PKHD1: variants seen among roughly 807,000 people sequenced by gnomAD.
PKHD1 encodes the protein fibrocystin.
Under a neutral mutation model 412.0 loss-of-function variants are expected in PKHD1, and 291 were observed. The observed-to-expected ratio is 0.71, with a 90% CI of 0.64 to 0.78. The LOEUF is 0.78. PKHD1 is among the 30% of genes least tolerant of loss of function. The pLI, the probability that PKHD1 is intolerant of heterozygous loss-of-function variation, is 0.00. For missense variants in PKHD1, 4,825 were observed against 4,950.7 expected, an observed-to-expected ratio of 0.97 and a Z score of 0.76; for synonymous variants, 1,777 against 1,821.5, an observed-to-expected ratio of 0.98 and a Z score of 0.62.
intron 60 of PKHD1, among the ~76,000 whole-genome samples, chr6:51,720,265 TA>T (rs1299711792): frequency 6.6e-6 from 1 of 152,188 alleles, no homozygotes; most frequent in Admixed American, 6.5e-5. Context: ...TCCAGAGTTT[TA>T]AAAATGAGAA....
Position 51,615,475 on chromosome 6 carries a change from G to A in PKHD1, c.*3606C>T, listed in dbSNP as rs1765989119. On this transcript the variant is annotated 3_prime_UTR_variant, in exon 67 of 67. Transcript: ENST00000371117. Reference sequence around the variant, plus strand: ...GAAATCAACAGTTCTATACTCAATAGTATTTAATTCCTTGTGCTTATAGTT... The same window carrying A: ...GAAATCAACAGTTCTATACTCAATAATATTTAATTCCTTGTGCTTATAGTT... 6.6e-6 allele frequency: 1 copy of A among 152,114 alleles called. No homozygotes were observed. The highest frequency in any genetic ancestry group is 1.5e-5 in the Non-Finnish European group (1 of 68,016). The allele number at this position is 152,114 out of a possible 1,614,324, so 9.4% of individuals were successfully genotyped here.
At chr6:52,056,133 A>G (rs1807691303) in intron 18 of PKHD1, among the ~76,000 whole-genome samples, 1 of 152,208 alleles carries the variant, frequency 6.6e-6, no homozygotes, top group Non-Finnish European at 1.5e-5. Flanking sequence ...TCCAGCTATA[A>G]GAAACTCATT....
At chr6:51,909,544 T>C in intron 39 of PKHD1, 70 bp from the exon 40 acceptor site, 2 of 1,153,956 alleles carry the variant, frequency 1.7e-6, no homozygotes, top group Non-Finnish European at 2.6e-6. Context: ...TCTCCCAGTT[T>C]GAAAGGTACT....
chr6:51,832,413 T>C (rs1768421938), intron 51 of PKHD1, among the ~76,000 whole-genome samples: 2 of 151,920 alleles, frequency 1.3e-5, no homozygotes, highest in Non-Finnish European at 2.9e-5. Context: ...TGATAAGAAA[T>C]TTGGTGTTGC....
chr6:51,890,847 A>G (rs1285991826), intron 43 of PKHD1, among the ~76,000 whole-genome samples: 1 of 152,180 alleles, frequency 6.6e-6, no homozygotes, highest in Non-Finnish European at 1.5e-5. Context: ...AGCATTATGG[A>G]GATCAAGTGT....
intron 61 of PKHD1, among the ~76,000 whole-genome samples, chr6:51,651,786 C>G (rs575021029): frequency 6.6e-6 from 1 of 152,166 alleles, no homozygotes; most frequent in South Asian, 2.1e-4. Flanking sequence ...CAATGATGGG[C>G]CACTTATATA....
At chr6:52,030,625 A>G (rs1019994656) in intron 29 of PKHD1, among the ~76,000 whole-genome samples, 3 of 151,788 alleles carry the variant, frequency 2.0e-5, no homozygotes, top group Non-Finnish European at 2.9e-5. Context: ...GACCTTCCAG[A>G]GGCAACAGTA....
chr6:51,739,487 T>C (rs1390643571), intron 60 of PKHD1, among the ~76,000 whole-genome samples: 2 of 152,284 alleles, frequency 1.3e-5, no homozygotes, highest in Non-Finnish European at 2.9e-5. Context: ...TGCCTCAGCC[T>C]CCCAAAGTGC....
intron 60 of PKHD1, chr6:51,739,930 G>T (rs1023074725): frequency 1.9e-6 from 1 of 517,390 alleles, no homozygotes; most frequent in African/African-American, 1.9e-5. Context: ...GTCTGGGACA[G>T]ACGGAAACTG....
intron 36 of PKHD1, among the ~76,000 whole-genome samples, chr6:51,950,273 A>G (rs1261379685): frequency 6.7e-6 from 1 of 148,682 alleles, no homozygotes; most frequent in Non-Finnish European, 1.5e-5. Context: ...GCTGCAAACA[A>G]TAGCAGTTGG....
At chr6:51,930,048 G>A (rs1482972969) in intron 37 of PKHD1, among the ~76,000 whole-genome samples, 2 of 152,146 alleles carry the variant, frequency 1.3e-5, no homozygotes, top group East Asian at 3.9e-4. Context: ...GTGGAAGCAA[G>A]AGCCGTAATT....
chr6:51,814,469 C>T (rs887774656), intron 52 of PKHD1, among the ~76,000 whole-genome samples: 4 of 152,288 alleles, frequency 2.6e-5, no homozygotes, highest in African/African-American at 7.2e-5. Context: ...GGTGCATCCA[C>T]ACTATACAAA....
chr6:51,891,481 G>T (rs572153952), intron 43 of PKHD1, among the ~76,000 whole-genome samples: 9 of 152,136 alleles, frequency 5.9e-5, no homozygotes, highest in Non-Finnish European at 1.3e-4. Flanking sequence ...GTTTCTCCAT[G>T]TTGGTCAAGC....
At chr6:51,721,863 T>A in intron 60 of PKHD1, 1 of 1,554,466 alleles carries the variant, frequency 6.4e-7, no homozygotes, top group Non-Finnish European at 8.7e-7. Flanking sequence ...TCTTCTCAAT[T>A]TGAACAATTG....
At chr6:51,666,814 G>T (rs527891062) in intron 60 of PKHD1, among the ~76,000 whole-genome samples, 1 of 151,224 alleles carries the variant, frequency 6.6e-6, no homozygotes, top group East Asian at 1.9e-4. Flanking sequence ...TTGTTCTTGC[G>T]ATAGTTTACT....
intron 52 of PKHD1, among the ~76,000 whole-genome samples, chr6:51,804,365 GGGGGGGGGC>G (rs1763400106): frequency 1.9e-5 from 2 of 103,182 alleles, no homozygotes; most frequent in Admixed American, 9.8e-5. Context: ...TCATTGGGGG[GGGGGGGGGC>G]GGTAACAGGA....
rs1019799793 is a variant in PKHD1 at position 51,659,365 on chromosome 6, G to T, written c.10761C>A (p.Phe3587Leu). The T allele has an allele frequency of 7.4e-6, 12 of 1,613,704 alleles. No individual in the cohort carries two copies. In the Admixed American group the frequency reaches 1.7e-4, roughly 22 times the overall value. Residue 3587 changes from phenylalanine (F) to leucine (L), a missense_variant, in exon 61 of 67, where the codon TTC becomes TTA. Transcript: ENST00000371117. ...EIVILERLTNFLQIGQNQIRF... is the reference protein window; with the variant it reads ...EIVILERLTNLLQIGQNQIRF... Reference sequence around the variant, plus strand: ...TGATTTGGTTTTGGCCAATCTGTAAGAAGTTAGTTAGTCTTTCGAGTATTA... The same window carrying T: ...TGATTTGGTTTTGGCCAATCTGTAATAAGTTAGTTAGTCTTTCGAGTATTA...
At chr6:51,631,927 CTTTTT>C (rs1277193806) in intron 65 of PKHD1, among the ~76,000 whole-genome samples, 1 of 137,614 alleles carries the variant, frequency 7.3e-6, no homozygotes, top group African/African-American at 2.7e-5. Flanking sequence ...TCCCCGGATT[CTTTTT>C]TTTTTTCTTT....
Position 52,025,179 on chromosome 6 carries a change from G to A in PKHD1, c.4631C>T (p.Ala1544Val). Residue 1544 changes from alanine to valine, a missense_variant, in exon 32 of 67, where the codon GCC becomes GTC. By Grantham distance (64) the Ala-to-Val change is moderately conservative (BLOSUM62 0). Transcript: ENST00000371117. ...SHVVCQTRDL[A>V]PGPHYLSVFY... Reference sequence around the variant, plus strand: ...AACTGACAGGTAGTGGGGTCCTGGGGCCAAGTCTCTTGTCTGGCACACAAC... The same window carrying A: ...AACTGACAGGTAGTGGGGTCCTGGGACCAAGTCTCTTGTCTGGCACACAAC... 1 of 1,614,140 alleles carries A rather than the reference G, an allele frequency of 6.2e-7. No homozygotes were observed. The highest frequency in any genetic ancestry group is 8.5e-7 in the Non-Finnish European group (1 of 1,180,018).
Sources: gnomAD v4.1 joint callset for allele counts (sites outside exome capture counted in the v4.1 genomes callset) on GRCh38, gnomAD v4.1.1 for gene constraint, MANE v1.5 for transcripts, NCBI Gene and HGNC (gene_info 2026-07-23, HGNC 2026-07-21) for gene names.